Variants in RBFOX1 observed in about 807,000 individuals in gnomAD.
The protein encoded by RBFOX1 is RNA binding fox-1 homolog 1, also known as RNA binding protein fox-1 homolog 1.
RBFOX1 carries 8 observed loss-of-function variants against 57.7 expected under a neutral mutation model. The ratio of observed to expected loss-of-function variants is 0.14; its 90% CI spans 0.08 to 0.25. RBFOX1 has a LOEUF of 0.25. Among genes scored for constraint, RBFOX1 ranks in the 10% least tolerant of loss-of-function variants. The pLI is 1.00. For missense variants in RBFOX1, 611 were observed against 548.5 expected, an observed-to-expected ratio of 1.11 and a Z score of -1.14; for synonymous variants, 326 against 222.4, an observed-to-expected ratio of 1.47 and a Z score of -4.15.
rs2094604778 is a variant in RBFOX1 at position 6,450,865 on chromosome 16, A to ATG, written c.-64+133809_-64+133810insGT. On this transcript the variant is annotated intron_variant, in intron 2 of 15. Transcript: ENST00000550418. ...TATATATATATATATATATATATAT[A>ATG]TATATATATCTCCTCTGAAATATTG... 9.3e-5 allele frequency among the ~76,000 whole-genome samples: 9 copies of ATG among 96,960 alleles called. 1 individual carries two copies. The highest frequency in any genetic ancestry group is 4.1e-5 in the Non-Finnish European group (2 of 48,928). 63.6% of individuals were successfully genotyped at this position (96,960 alleles called of 152,430 possible).
At chr16:6,777,001 G>C (rs1427077181) in intron 3 of RBFOX1, among the ~76,000 whole-genome samples, 4 of 152,170 alleles carry the variant, frequency 2.6e-5, no homozygotes, top group African/African-American at 9.6e-5. Flanking sequence ...TGTAATTAAA[G>C]TGAAGAAACT....
intron 4 of RBFOX1, among the ~76,000 whole-genome samples, chr16:5,869,260 C>A (rs2057410783): frequency 6.6e-6 from 1 of 152,088 alleles, no homozygotes; most frequent in Admixed American, 6.5e-5. Flanking sequence ...GTGGTCATCA[C>A]CTGAGACAGC....
intron 1 of RBFOX1, among the ~76,000 whole-genome samples, chr16:5,400,397 C>T (rs1338391811): frequency 6.6e-6 from 1 of 152,088 alleles, no homozygotes; most frequent in Non-Finnish European, 1.5e-5. Flanking sequence ...CCGGCCACTG[C>T]TTGCTTCTCT....
At chr16:7,600,290 T>A (rs976272838) in intron 9 of RBFOX1, among the ~76,000 whole-genome samples, 39 of 152,182 alleles carry the variant, frequency 2.6e-4, no homozygotes, top group African/African-American at 8.9e-4. Flanking sequence ...AACACAAATG[T>A]CAATTCTAAT....
chr16:7,018,562 G>C (rs1056949776), intron 3 of RBFOX1, among the ~76,000 whole-genome samples: 1 of 152,110 alleles, frequency 6.6e-6, no homozygotes, highest in East Asian at 1.9e-4. Flanking sequence ...CCTTATAGCA[G>C]CATAATTTAT....
chr16:5,675,530 G>A (rs965437237), intron 3 of RBFOX1, among the ~76,000 whole-genome samples: 2 of 152,176 alleles, frequency 1.3e-5, no homozygotes, highest in Non-Finnish European at 2.9e-5. Flanking sequence ...GACCCAACTT[G>A]GCCAGATAAT....
At chr16:6,796,515 G>A (rs1443174163) in intron 3 of RBFOX1, among the ~76,000 whole-genome samples, 2 of 152,106 alleles carry the variant, frequency 1.3e-5, no homozygotes, top group Non-Finnish European at 2.9e-5. Context: ...TTCATCCACT[G>A]TAAATAACAG....
intron 4 of RBFOX1, among the ~76,000 whole-genome samples, chr16:7,316,048 G>A (rs1238951210): frequency 2.0e-5 from 3 of 152,144 alleles, no homozygotes; most frequent in Admixed American, 2.0e-4. Flanking sequence ...CCTTTATTCT[G>A]ATAGTTCTTC....
rs371006328 is a variant in RBFOX1, at chr16:5,883,245, T to A, written c.351+15910T>A. Among the ~76,000 whole-genome samples the A allele has an allele frequency of 1.7e-4, 26 of 152,352 alleles. No homozygotes were observed. In the East Asian group the frequency reaches 2.7e-3, roughly 16 times the overall value. On this transcript the variant is annotated intron_variant, in intron 4 of 19. Coordinates refer to the RBFOX1 transcript ENST00000641259. ...AAAGCAACACATTAAATGTACATGT[T>A]GATTTTAAAACACATTTATATTTCA... is the stretch of plus-strand genomic sequence containing the variant.
intron 1 of RBFOX1, among the ~76,000 whole-genome samples, chr16:6,255,129 G>T (rs1024563797): frequency 6.6e-6 from 1 of 152,130 alleles, no homozygotes; most frequent in African/African-American, 2.4e-5. Context: ...AAACAAGAAA[G>T]AAAGTCTGTG....
chr16:7,368,837 A>G (rs1325236082), intron 4 of RBFOX1, among the ~76,000 whole-genome samples: 1 of 152,082 alleles, frequency 6.6e-6, no homozygotes, highest in Non-Finnish European at 1.5e-5. Context: ...AGTTTAGGGA[A>G]TTAATGGTGA....
At chr16:7,438,570 A>T (rs1313709828) in intron 4 of RBFOX1, among the ~76,000 whole-genome samples, 3 of 152,068 alleles carry the variant, frequency 2.0e-5, no homozygotes, top group South Asian at 2.1e-4. Flanking sequence ...CTCATTTGTA[A>T]ACCTCTCTGA....
At chr16:5,669,891 A>G (rs1232997770) in intron 3 of RBFOX1, among the ~76,000 whole-genome samples, 1 of 152,244 alleles carries the variant, frequency 6.6e-6, no homozygotes, top group African/African-American at 2.4e-5. Flanking sequence ...ATGAATGTTC[A>G]TAGCAACATT....
chr16:5,595,752 T>C (rs1471045561), intron 2 of RBFOX1, among the ~76,000 whole-genome samples: 4 of 152,210 alleles, frequency 2.6e-5, no homozygotes, highest in African/African-American at 9.6e-5. Context: ...AATGTTAATA[T>C]GTGCTTGTCT....
intron 3 of RBFOX1, among the ~76,000 whole-genome samples, chr16:6,926,623 C>T (rs1976215): frequency 6.6e-6 from 1 of 152,148 alleles, no homozygotes; most frequent in Non-Finnish European, 1.5e-5. Context: ...CTCCCTTTGT[C>T]TTGAAGGTGT....
At chr16:6,933,059 A>G (rs919624734) in intron 3 of RBFOX1, among the ~76,000 whole-genome samples, 12 of 152,188 alleles carry the variant, frequency 7.9e-5, no homozygotes, top group Non-Finnish European at 1.5e-4. Context: ...CTGTGTCATC[A>G]CATTTGACAA....
chr16:6,933,769 T>A (rs1314640529), intron 3 of RBFOX1, among the ~76,000 whole-genome samples: 4 of 152,198 alleles, frequency 2.6e-5, no homozygotes, highest in Non-Finnish European at 4.4e-5. Flanking sequence ...AGAAGTATGG[T>A]CAGAACATTT....
At chr16:5,877,503 C>G (rs543360698) in intron 4 of RBFOX1, among the ~76,000 whole-genome samples, 1 of 152,338 alleles carries the variant, frequency 6.6e-6, no homozygotes, top group South Asian at 2.1e-4. Flanking sequence ...TTCCCATTTA[C>G]CCACATACAC....
intron 2 of RBFOX1, among the ~76,000 whole-genome samples, chr16:6,484,371 A>G (rs1366392199): frequency 6.6e-6 from 1 of 152,194 alleles, no homozygotes; most frequent in Non-Finnish European, 1.5e-5. Context: ...TGTACTCTTC[A>G]TCTTCTCTGC....
Sources: allele counts gnomAD v4.1 joint callset (sites outside exome capture counted in the v4.1 genomes callset), GRCh38; gene constraint gnomAD v4.1.1; transcripts MANE v1.5; gene names NCBI Gene and HGNC (gene_info 2026-07-23, HGNC 2026-07-21).